GPC6: variants seen among roughly 807,000 people sequenced by gnomAD.
GPC6 encodes the protein glypican 6.
GPC6 carries 14 observed loss-of-function variants against 55.2 expected under a neutral mutation model. The ratio of observed to expected loss-of-function variants is 0.25; its 90% CI spans 0.17 to 0.40. The LOEUF (loss-of-function observed/expected upper bound fraction) is 0.40. Among genes scored for constraint, GPC6 ranks in the 10% least tolerant of loss-of-function variants. The pLI is 1.00. For synonymous variants in GPC6, 278 were observed against 259.6 expected, an observed-to-expected ratio of 1.07 and a Z score of -0.68; for missense variants, 641 against 708.5, an observed-to-expected ratio of 0.90 and a Z score of 1.08.
chr13:94,056,519 T>G (rs182232428), intron 4 of GPC6, among the ~76,000 whole-genome samples: 59 of 152,254 alleles, frequency 3.9e-4, no homozygotes, highest in African/African-American at 1.4e-3. Context: ...TGGAAAGCAA[T>G]AGTTGGTCCC....
intron 4 of GPC6, among the ~76,000 whole-genome samples, chr13:94,284,651 C>G (rs1892480211): frequency 6.6e-6 from 1 of 151,744 alleles, no homozygotes; most frequent in African/African-American, 2.4e-5. Flanking sequence ...ATCAGTGCAT[C>G]CATGTTATTT....
intron 3 of GPC6, among the ~76,000 whole-genome samples, chr13:93,979,758 G>A (rs1880704811): frequency 2.0e-5 from 3 of 152,074 alleles, no homozygotes; most frequent in Admixed American, 2.0e-4. Flanking sequence ...TTTAATAGCT[G>A]CCTCGTATAG....
chr13:94,351,733 A>T (rs1367033149), intron 6 of GPC6, among the ~76,000 whole-genome samples: 3 of 151,960 alleles, frequency 2.0e-5, no homozygotes, highest in Non-Finnish European at 2.9e-5. Context: ...TCTGTCTCGG[A>T]TTTAAACAAA....
chr13:93,915,665 C>A (rs186489252), intron 3 of GPC6, among the ~76,000 whole-genome samples: 3 of 152,198 alleles, frequency 2.0e-5, no homozygotes, highest in African/African-American at 7.2e-5. Flanking sequence ...ATATCATGAA[C>A]CCTATTGCTC....
At chr13:93,322,647 C>A (rs1434088261) in intron 1 of GPC6, among the ~76,000 whole-genome samples, 1 of 151,752 alleles carries the variant, frequency 6.6e-6, no homozygotes, top group Non-Finnish European at 1.5e-5. Flanking sequence ...ACCATGTTGG[C>A]CAGGCTGGTG....
intron 4 of GPC6, among the ~76,000 whole-genome samples, chr13:94,049,246 C>CT (rs1883845807): frequency 1.6e-5 from 1 of 62,104 alleles, no homozygotes; most frequent in Non-Finnish European, 4.2e-5. Flanking sequence ...GAGATCTTAT[C>CT]TCAAAAAAAA....
intron 5 of GPC6, among the ~76,000 whole-genome samples, chr13:94,296,638 C>A (rs1371844663): frequency 6.6e-6 from 1 of 152,202 alleles, no homozygotes; most frequent in Non-Finnish European, 1.5e-5. Flanking sequence ...CTGATCGAGT[C>A]ATTGCCTCAG....
chr13:93,492,311 G>C (rs1025619867), intron 1 of GPC6, among the ~76,000 whole-genome samples: 1 of 138,814 alleles, frequency 7.2e-6, no homozygotes, highest in Non-Finnish European at 1.6e-5. Context: ...CTCATGATTT[G>C]GCTCTCTGTT....
chr13:94,068,247 AG>A (rs1164641094), intron 4 of GPC6, among the ~76,000 whole-genome samples: 2 of 152,156 alleles, frequency 1.3e-5, no homozygotes, highest in Non-Finnish European at 2.9e-5. Flanking sequence ...GAGTTTGTGT[AG>A]GGAAACTCCA....
intron 4 of GPC6, among the ~76,000 whole-genome samples, chr13:94,135,890 T>C (rs1190727213): frequency 6.6e-6 from 1 of 152,144 alleles, no homozygotes; most frequent in African/African-American, 2.4e-5. Context: ...AAAGAGTTGA[T>C]TTTTGAGTTA....
chr13:93,581,936 T>C (rs1288808928), intron 2 of GPC6, among the ~76,000 whole-genome samples: 1 of 152,112 alleles, frequency 6.6e-6, no homozygotes, highest in Non-Finnish European at 1.5e-5. Context: ...AAAACCACCC[T>C]GATGGGTGTT....
chr13:93,904,619 T>C (rs1344391932), intron 3 of GPC6, among the ~76,000 whole-genome samples: 1 of 152,070 alleles, frequency 6.6e-6, no homozygotes, highest in Non-Finnish European at 1.5e-5. Flanking sequence ...ATGCCTATTG[T>C]CCCAGCTACT....
At chr13:93,434,021 T>C (rs1877471404) in intron 1 of GPC6, among the ~76,000 whole-genome samples, 1 of 152,176 alleles carries the variant, frequency 6.6e-6, no homozygotes, top group Non-Finnish European at 1.5e-5. Flanking sequence ...AATAGGATAA[T>C]ATGTACTATA....
chr13:93,565,484 A>G (rs1417534638), intron 2 of GPC6, among the ~76,000 whole-genome samples: 1 of 152,192 alleles, frequency 6.6e-6, no homozygotes, highest in East Asian at 1.9e-4. Context: ...AATAATTGAG[A>G]GTATCTTGAT....
At chr13:93,567,614 C>T (rs1876198425) in intron 2 of GPC6, among the ~76,000 whole-genome samples, 1 of 152,006 alleles carries the variant, frequency 6.6e-6, no homozygotes, top group Admixed American at 6.6e-5. Context: ...TGAGCCTCTG[C>T]ACCCGGCCTA....
At chr13:93,921,001 T>A (rs1333360520) in intron 3 of GPC6, among the ~76,000 whole-genome samples, 2 of 152,206 alleles carry the variant, frequency 1.3e-5, no homozygotes, top group Non-Finnish European at 2.9e-5. Flanking sequence ...TACAGGACCA[T>A]AAGCCATTCT....
intron 3 of GPC6, among the ~76,000 whole-genome samples, chr13:93,897,893 A>T (rs1876104912): frequency 6.6e-6 from 1 of 152,074 alleles, no homozygotes; most frequent in South Asian, 2.1e-4. Flanking sequence ...ATTTCACTAC[A>T]CTTTCCCAAT....
intron 3 of GPC6, among the ~76,000 whole-genome samples, chr13:93,871,776 T>C (rs1171221434): frequency 6.6e-6 from 1 of 151,982 alleles, no homozygotes. Context: ...TGAAATATCC[T>C]CTTAATTTCT....
At chr13:93,329,049 A>T (rs1879752140) in intron 1 of GPC6, among the ~76,000 whole-genome samples, 1 of 152,156 alleles carries the variant, frequency 6.6e-6, no homozygotes, top group Non-Finnish European at 1.5e-5. Context: ...ATCATTATGA[A>T]TTATCTTGAG....
Sources: gnomAD v4.1 joint callset for allele counts (sites outside exome capture counted in the v4.1 genomes callset) on GRCh38, gnomAD v4.1.1 for gene constraint, MANE v1.5 for transcripts, NCBI Gene and HGNC (gene_info 2026-07-23, HGNC 2026-07-21) for gene names.